Variants in DEFB104B observed in about 807,000 individuals in gnomAD.
The protein encoded by DEFB104B is defensin beta 104B.
rs541602340 is a variant in DEFB104B, at chr8:7,472,354, A to T, written c.59-1838T>A. On this transcript the variant is annotated intron_variant, in intron 1 of 1. Transcript: ENST00000316169. ...CCAACCTTTAAAATGTTAGACTGTCAGTTTCAAACAAGCCCTCACAGGCCA... is the reference window on the plus strand; with the variant it reads ...CCAACCTTTAAAATGTTAGACTGTCTGTTTCAAACAAGCCCTCACAGGCCA... Among the ~76,000 whole-genome samples, 1,041 of 125,166 alleles carry T rather than the reference A, an allele frequency of 8.3e-3. 97 individuals are homozygous for T. Among genetic ancestry groups the T allele is most frequent in the African/African-American group, 0.032 (994 of 30,668 alleles). 82.1% of individuals were successfully genotyped at this position (125,166 alleles called of 152,430 possible).
At chr8:7,471,100 C>T (rs1372296145) in intron 1 of DEFB104B, among the ~76,000 whole-genome samples, 1 of 152,140 alleles carries the variant, frequency 6.6e-6, no homozygotes, top group Admixed American at 6.5e-5. Context: ...ATTTTTCTCC[C>T]TATGCATTTG....
chr8:7,472,432 G>A (rs1177692884), intron 1 of DEFB104B, among the ~76,000 whole-genome samples: 2 of 137,930 alleles, frequency 1.5e-5, no homozygotes, highest in Non-Finnish European at 3.1e-5. Flanking sequence ...CTAATCTGAC[G>A]TCACACAGCA....
chr8:7,470,839 A>C (rs1253654846), intron 1 of DEFB104B, among the ~76,000 whole-genome samples: 2 of 126,084 alleles, frequency 1.6e-5, no homozygotes, highest in African/African-American at 6.2e-5. Context: ...ATCTTGGGCC[A>C]CTTTTTCAGA....
At chr8:7,474,449 A>G (rs1811060523) in intron 1 of DEFB104B, among the ~76,000 whole-genome samples, 1 of 142,136 alleles carries the variant, frequency 7.0e-6, no homozygotes, top group Non-Finnish European at 1.6e-5. Flanking sequence ...TCCTGAGCAG[A>G]GTTCAAAGGC....
At chr8:7,470,841 T>G (rs1810911657) in intron 1 of DEFB104B, among the ~76,000 whole-genome samples, 1 of 127,188 alleles carries the variant, frequency 7.9e-6, no homozygotes, top group Non-Finnish European at 1.7e-5. Flanking sequence ...CTTGGGCCAC[T>G]TTTTCAGACT....
rs1221147538 is a variant in DEFB104B at position 7,472,527 on chromosome 8, C to T, written c.59-2011G>A. Among the ~76,000 whole-genome samples, 12 of 137,126 alleles carry T rather than the reference C, an allele frequency of 8.8e-5. 2 individuals are homozygous for T. The highest frequency in any genetic ancestry group is 1.8e-4 in the Non-Finnish European group (12 of 64,872). 90.0% of individuals were successfully genotyped at this position (137,126 alleles called of 152,430 possible). On this transcript the variant is annotated intron_variant, in intron 1 of 1. Transcript: ENST00000316169. ...AGAATGCAAAAGGGAGAATGCAGTC[C>T]ATACACTAAGGCTGAGTAATAAACA...
intron 1 of DEFB104B, among the ~76,000 whole-genome samples, chr8:7,474,110 T>A (rs1179082398): frequency 7.1e-6 from 1 of 140,874 alleles, no homozygotes; most frequent in Non-Finnish European, 1.6e-5. Context: ...TGAATCACAG[T>A]GGAGGCACAG....
At chr8:7,474,195 A>G (rs1319612017) in intron 1 of DEFB104B, among the ~76,000 whole-genome samples, 1 of 143,618 alleles carries the variant, frequency 7.0e-6, no homozygotes, top group Admixed American at 7.0e-5. Flanking sequence ...TTGGAAGAGA[A>G]GATCCGATGG....
chr8:7,472,159 C>G lies in DEFB104B; in HGVS notation c.59-1643G>C, dbSNP rs539430387. Among the ~76,000 whole-genome samples the G allele has an allele frequency of 6.1e-4, 84 of 138,728 alleles. 2 individuals carry two copies. The highest frequency in any genetic ancestry group is 2.0e-3 in the African/African-American group (67 of 33,418). 91.0% of individuals were successfully genotyped at this position (138,728 alleles called of 152,430 possible). A position where few individuals can be genotyped will look rare whatever the true frequency, so the allele number is the denominator to read the frequency against. ...GAGTGAGGTGGGCTGCAGTGTGTAT[C>G]ATGCTGAGGGAGTAGGTGGAGGTTG... On this transcript the variant is annotated intron_variant, in intron 1 of 1. Transcript: ENST00000316169.
chr8:7,474,524 T>A (rs2739969), intron 1 of DEFB104B, among the ~76,000 whole-genome samples: 1 of 134,796 alleles, frequency 7.4e-6, no homozygotes, highest in African/African-American at 2.7e-5. Flanking sequence ...TCCCCTTTAA[T>A]CCTAATCATC....
chr8:7,474,925 G>C (rs1411361007), intron 1 of DEFB104B, 86 bp downstream of exon 1: 2 of 464,228 alleles, frequency 4.3e-6, no homozygotes, highest in Non-Finnish European at 8.2e-6. Flanking sequence ...CATCCTTCAG[G>C]ATTTATTTTC....
chr8:7,475,060 T>A lies in DEFB104B; in HGVS notation c.9A>T (p.Arg3Ser). The change falls in exon 1 of 2, where the codon AGA becomes AGT. Residue 3 changes from arginine to serine, a missense_variant. Arg to Ser is a moderately radical substitution (Grantham distance 110, BLOSUM62 -1). Transcript: ENST00000316169. ...GAGAAATGGCTAATAGCAGCACAAG[T>A]CTCTGCATAATGCTGGGGCTGCTGG... MQRLVLLLAISLL... is the reference protein window; with the variant it reads MQSLVLLLAISLL... 2 of 858,358 alleles carry A rather than the reference T, an allele frequency of 2.3e-6. No individual in the cohort carries two copies. Among genetic ancestry groups the A allele is most frequent in the Non-Finnish European group, 3.5e-6 (2 of 571,972 alleles). The allele number at this position is 858,358 out of a possible 1,614,324, so 53.2% of individuals were successfully genotyped here.
intron 1 of DEFB104B, among the ~76,000 whole-genome samples, chr8:7,472,182 T>A (rs1363079014): frequency 7.3e-6 from 1 of 136,896 alleles, no homozygotes; most frequent in African/African-American, 3.1e-5. Context: ...TAGGTGGAGG[T>A]TGAGTAGCAG....
chr8:7,471,988 G>A (rs1318894414), intron 1 of DEFB104B, among the ~76,000 whole-genome samples: 1 of 151,276 alleles, frequency 6.6e-6, no homozygotes, highest in Non-Finnish European at 1.5e-5. Flanking sequence ...CTAAAAGGCA[G>A]TTTGACCAAT....
intron 1 of DEFB104B, among the ~76,000 whole-genome samples, chr8:7,474,760 A>G (rs1342282677): frequency 7.3e-6 from 1 of 136,968 alleles, no homozygotes; most frequent in African/African-American, 2.6e-5. Flanking sequence ...TGCCAAGGAC[A>G]TCTAGGACTC....
intron 1 of DEFB104B, among the ~76,000 whole-genome samples, chr8:7,471,104 G>A (rs879587662): frequency 3.3e-5 from 5 of 152,092 alleles, no homozygotes; most frequent in Non-Finnish European, 7.3e-5. Flanking sequence ...TTCTCCCTAT[G>A]CATTTGTTAT....
At chr8:7,471,418 T>TAGAGAGGA (rs1305029083) in intron 1 of DEFB104B, among the ~76,000 whole-genome samples, 3 of 41,848 alleles carry the variant, frequency 7.2e-5, no homozygotes, top group African/African-American at 2.8e-4. Context: ...TGGTTGCAAG[T>TAGAGAGGA]AGAGAGGAGG....
intron 1 of DEFB104B, among the ~76,000 whole-genome samples, chr8:7,472,055 T>C (rs1230923339): frequency 6.6e-6 from 1 of 150,608 alleles, no homozygotes; most frequent in African/African-American, 2.5e-5. Flanking sequence ...CCACAGCGGG[T>C]GATGAGGAAA....
chr8:7,474,565 G>A (rs1473896015), intron 1 of DEFB104B, among the ~76,000 whole-genome samples: 1 of 141,216 alleles, frequency 7.1e-6, no homozygotes, highest in African/African-American at 2.6e-5. Context: ...CAAAATTTAG[G>A]AGGATGAGTA....
Sources: allele counts gnomAD v4.1 joint callset (sites outside exome capture counted in the v4.1 genomes callset), GRCh38; gene constraint gnomAD v4.1.1; transcripts MANE v1.5; gene names NCBI Gene and HGNC (gene_info 2026-07-23, HGNC 2026-07-21).